PCDH15: variants seen among roughly 807,000 people sequenced by gnomAD.
The protein encoded by PCDH15 is protocadherin related 15.
PCDH15 carries 129 observed loss-of-function variants against 178.5 expected under a neutral mutation model. The observed-to-expected ratio is 0.72, with a 90% CI of 0.63 to 0.84. The LOEUF (loss-of-function observed/expected upper bound fraction) is 0.84. Ranked by LOEUF, PCDH15 falls within the 40% of genes least tolerant of loss-of-function variation. PCDH15 has a pLI of 0.00. For missense variants in PCDH15, 2,230 were observed against 2,099.9 expected (o/e 1.06, Z -1.21); for synonymous variants, 800 against 732.0 (o/e 1.09, Z -1.50).
chr10:55,308,389 G>A (rs991109359), intron 1 of PCDH15, among the ~76,000 whole-genome samples: 6 of 152,074 alleles, frequency 3.9e-5, no homozygotes, highest in South Asian at 4.1e-4. Context: ...CTTTCCACTC[G>A]TATACCTTCT....
chr10:54,642,640 C>T (rs1210785497), intron 2 of PCDH15, among the ~76,000 whole-genome samples: 18 of 152,154 alleles, frequency 1.2e-4, no homozygotes. Context: ...AATTCTGTTT[C>T]TCTTACTAAA....
intron 1 of PCDH15, among the ~76,000 whole-genome samples, chr10:55,244,270 C>T (rs1022510337): frequency 1.3e-5 from 2 of 151,906 alleles, no homozygotes; most frequent in Non-Finnish European, 2.9e-5. Context: ...TTTATTTAAG[C>T]TCATTCTTTA....
chr10:53,907,503 A>G (rs2254115), intron 25 of PCDH15, among the ~76,000 whole-genome samples: 17,461 of 152,210 alleles, frequency 0.11, 1,221 homozygotes, highest in African/African-American at 0.19. Context: ...CAAAGTAGGC[A>G]AAAAAGTTAT....
chr10:55,150,348 A>G (rs911120305), intron 2 of PCDH15, among the ~76,000 whole-genome samples: 25 of 152,140 alleles, frequency 1.6e-4, no homozygotes, highest in African/African-American at 6.0e-4. Flanking sequence ...AAGCTCTGTG[A>G]TACTATCAGC....
intron 2 of PCDH15, among the ~76,000 whole-genome samples, chr10:55,491,988 A>G (rs1840429115): frequency 6.6e-6 from 1 of 151,712 alleles, no homozygotes; most frequent in Admixed American, 6.6e-5. Context: ...ATCAATAGAG[A>G]GCAAAAGCCT....
intron 1 of PCDH15, among the ~76,000 whole-genome samples, chr10:54,713,077 G>GT (rs1300073316): frequency 6.6e-6 from 1 of 152,008 alleles, no homozygotes; most frequent in Non-Finnish European, 1.5e-5. Context: ...GCAAAAGCAG[G>GT]TAAGTGTGAA....
intron 1 of PCDH15, among the ~76,000 whole-genome samples, chr10:54,697,129 TTTTA>T (rs1176797193): frequency 6.6e-5 from 10 of 152,110 alleles, no homozygotes; most frequent in African/African-American, 2.4e-4. Context: ...AATAAAGTTA[TTTTA>T]TTTATTTGTA....
intron 2 of PCDH15, among the ~76,000 whole-genome samples, chr10:55,064,312 A>G (rs572503456): frequency 3.3e-5 from 5 of 152,118 alleles, no homozygotes; most frequent in Non-Finnish European, 5.9e-5. Flanking sequence ...AACTTAATTG[A>G]TTGACACTTT....
intron 18 of PCDH15, among the ~76,000 whole-genome samples, chr10:54,048,225 C>T (rs761358111): frequency 6.6e-6 from 1 of 152,016 alleles, no homozygotes; most frequent in East Asian, 1.9e-4. Context: ...CTGCTCATAT[C>T]TTTTGCCAAA....
rs1388779606 is a variant in PCDH15, at chr10:54,622,610, T to TTATATATAA, written c.91+41553_91+41561dup. On this transcript the variant is annotated intron_variant, in intron 2 of 37. Coordinates refer to ENST00000644397, the MANE Select transcript of PCDH15 (RefSeq NM_001384140.1). ...TATATATAATATATAATATATATAATTATATATAATATATATAATATATAT... is the reference window on the plus strand; with the variant it reads ...TATATATAATATATAATATATATAATTATATATAATATATATAATATATATAATATATAT... 3.2e-5 allele frequency among the ~76,000 whole-genome samples: 3 copies of TTATATATAA among 93,656 alleles called. No individual in the cohort carries two copies. The South Asian group carries it at 7.3e-4, about 23-fold the overall frequency. The allele number at this position is 93,656 out of a possible 152,430, so 61.4% of individuals were successfully genotyped here. A position where few individuals can be genotyped will look rare whatever the true frequency, so the allele number is the denominator to read the frequency against.
chr10:55,517,508 A>G (rs1841046216), intron 2 of PCDH15, among the ~76,000 whole-genome samples: 1 of 152,180 alleles, frequency 6.6e-6, no homozygotes, highest in Non-Finnish European at 1.5e-5. Flanking sequence ...AAAATTATAC[A>G]TTGGCATAAA....
chr10:54,288,791 G>T (rs752403494), intron 8 of PCDH15, among the ~76,000 whole-genome samples: 5 of 152,220 alleles, frequency 3.3e-5, no homozygotes, highest in Non-Finnish European at 7.3e-5. Context: ...TGAACTGCGG[G>T]GCAGCAGCCT....
chr10:55,017,233 C>T lies in PCDH15; in HGVS notation c.-79-119733G>A, dbSNP rs1317982698. The stretch of plus-strand genomic sequence containing the variant: ...AAGGGGCAAATAGAACACCTCCATT[C>T]AGCACAATGCAGAAATCTACATTCC... On this transcript the variant is annotated intron_variant, in intron 2 of 5. Coordinates refer to the PCDH15 transcript ENST00000458638. Among the ~76,000 whole-genome samples, 4 of 152,116 alleles carry T rather than the reference C, an allele frequency of 2.6e-5. No individual in the cohort carries two copies. The East Asian group carries it at 7.7e-4, about 29-fold the overall frequency.
chr10:54,989,230 T>C (rs148270617), intron 2 of PCDH15, among the ~76,000 whole-genome samples: 2,749 of 152,268 alleles, frequency 0.018, 30 homozygotes, highest in Non-Finnish European at 0.025. Context: ...GGGGCCTTCA[T>C]GAAGAACCTC....
chr10:53,939,148 A>C (rs139774975), intron 24 of PCDH15, among the ~76,000 whole-genome samples, 193 bp from the exon 25 acceptor site: 5 of 152,236 alleles, frequency 3.3e-5, no homozygotes, highest in African/African-American at 1.2e-4. Flanking sequence ...TACTTCGCTA[A>C]AGTCTGCCTT....
At chr10:54,904,298 T>C (rs575782808) in intron 2 of PCDH15, among the ~76,000 whole-genome samples, 1 of 152,180 alleles carries the variant, frequency 6.6e-6, no homozygotes, top group Admixed American at 6.5e-5. Flanking sequence ...AGCCTATTCA[T>C]GTAAGGTTGT....
At chr10:55,006,944 T>A (rs11004669) in intron 2 of PCDH15, among the ~76,000 whole-genome samples, 4,044 of 152,178 alleles carry the variant, frequency 0.027, 283 homozygotes, top group East Asian at 0.23. Context: ...TGGGGGAAGA[T>A]CCTTCATGGC....
At chr10:54,910,358 T>C (rs1369246368) in intron 2 of PCDH15, among the ~76,000 whole-genome samples, 1 of 152,216 alleles carries the variant, frequency 6.6e-6, no homozygotes, top group African/African-American at 2.4e-5. Flanking sequence ...GTTCTGAAGG[T>C]AAAGATAAAC....
intron 2 of PCDH15, among the ~76,000 whole-genome samples, chr10:55,445,010 G>T (rs2184373): frequency 6.6e-6 from 1 of 151,862 alleles, no homozygotes. Flanking sequence ...ATTAAACGGA[G>T]AAAGAAGGGA....
Sources: gnomAD v4.1 joint callset for allele counts (sites outside exome capture counted in the v4.1 genomes callset) on GRCh38, gnomAD v4.1.1 for gene constraint, MANE v1.5 for transcripts, NCBI Gene and HGNC (gene_info 2026-07-23, HGNC 2026-07-21) for gene names.